The following BOD1L1 variants were observed in gnomAD, a reference collection of about 807,000 sequenced individuals.
BOD1L1 encodes biorientation of chromosomes in cell division 1 like 1.
BOD1L1 carries 86 observed loss-of-function variants against 240.7 expected under a neutral mutation model. The ratio of observed to expected loss-of-function variants is 0.36; its 90% confidence interval spans 0.30 to 0.43. The LOEUF is 0.43. BOD1L1 is among the 20% of genes least tolerant of loss of function. BOD1L1 has a pLI of 1.00. For synonymous variants in BOD1L1, 1,268 were observed against 1,272.3 expected (o/e 1.00, Z 0.07); for missense variants, 3,554 against 3,643.5 (o/e 0.98, Z 0.63).
In BOD1L1 at chr4:13,569,731, G is replaced by C; in HGVS notation, c.*280C>G. 4.3e-6 allele frequency: 1 copy of C among 230,282 alleles called. No homozygotes were observed. 14.3% of individuals were successfully genotyped at this position (230,282 alleles called of 1,614,324 possible). A position where few individuals can be genotyped will look rare whatever the true frequency, so the allele number is the denominator to read the frequency against. On this transcript the variant is annotated 3_prime_UTR_variant, in exon 26 of 26. Transcript: ENST00000040738. ...TTTGCATTCATGATGTGTCACATTGGGAAATCCCAATTTTGAATGTTAAAA... is the reference window on the plus strand; with the variant it reads ...TTTGCATTCATGATGTGTCACATTGCGAAATCCCAATTTTGAATGTTAAAA...
rs1711996284 is a variant in BOD1L1, at chr4:13,569,189, A to ACCAATTCATTC, written c.*821_*822insGAATGAATTGG. On this transcript the variant is annotated 3_prime_UTR_variant, in exon 26 of 26. Transcript: ENST00000040738. ...GTATTGGTAGAAGCTTCAGAACAGC[A>ACCAATTCATTC]CAGAAGAGGAATGAACACAGAGAAG... 5 of 152,348 alleles carry ACCAATTCATTC rather than the reference A, an allele frequency of 3.3e-5. No individual in the cohort carries two copies. The highest frequency in any genetic ancestry group is 9.6e-5 in the African/African-American group (4 of 41,582). 9.4% of individuals were successfully genotyped at this position (152,348 alleles called of 1,614,324 possible). A position where few individuals can be genotyped will look rare whatever the true frequency, so the allele number is the denominator to read the frequency against.
rs1716360310 is a variant in BOD1L1 at position 13,613,723 on chromosome 4, C to A, written c.1175-62G>T. ...TCTTATTATAAGAACATACTCAGAGCTCAATTACTAAATTACACTTAAAAT... is the reference window on the plus strand; with the variant it reads ...TCTTATTATAAGAACATACTCAGAGATCAATTACTAAATTACACTTAAAAT... On this transcript the variant is annotated intron_variant, in intron 4 of 25. Transcript: ENST00000040738. The surrounding 1 kb of genome is among the most constrained non-coding windows in gnomAD (Gnocchi z 4.0). 2 of 1,290,354 alleles carry A rather than the reference C, an allele frequency of 1.5e-6. No individual in the cohort carries two copies. Among genetic ancestry groups the A allele is most frequent in the Admixed American group, 2.9e-5 (1 of 34,804 alleles). 79.9% of individuals were successfully genotyped at this position (1,290,354 alleles called of 1,614,324 possible). A position where few individuals can be genotyped will look rare whatever the true frequency, so the allele number is the denominator to read the frequency against.
At position 13,602,123 on chromosome 4, in the gene BOD1L1, C is replaced by T; in HGVS notation, c.4777G>A (p.Gly1593Arg). 1.9e-6 allele frequency: 3 copies of T among 1,614,004 alleles called. No individual in the cohort carries two copies. The South Asian group carries it at 3.3e-5, about 18-fold the overall frequency. ...GCAAATCCCTCTGTGACAACAGCCCCACCTTCTTCAGCTGCAGCAAAAACA... is the reference window on the plus strand; with the variant it reads ...GCAAATCCCTCTGTGACAACAGCCCTACCTTCTTCAGCTGCAGCAAAAACA... ...CTVFAAAEEGGAVVTEGFAES... is the reference protein window; with the variant it reads ...CTVFAAAEEGRAVVTEGFAES... The change falls in exon 10 of 26, where the codon GGG becomes AGG. Residue 1593 changes from glycine (G) to arginine (R), a missense_variant. Physicochemically the swap from Gly to Arg is moderately radical, Grantham distance 125. This residue lies in a region of BOD1L1 where 3,393 missense variants were observed against 3,427.1 expected (regional missense o/e 0.99). Transcript: ENST00000040738.
In BOD1L1 at chr4:13,599,128, C is replaced by G. The variant is rs1366564897; in HGVS notation, c.7772G>C (p.Ser2591Thr). 1.2e-6 allele frequency: 2 copies of G among 1,613,826 alleles called. No homozygotes were observed. Residue 2591 changes from serine (S) to threonine (T), a missense_variant, in exon 10 of 26, where the codon AGT (serine) becomes ACT (threonine). Physicochemically the swap from Ser to Thr is moderately conservative, Grantham distance 58. Around this residue, in one of 2 missense-constraint regions of BOD1L1, gnomAD observed 3,393 missense variants for 3,427.1 expected, o/e 0.99. Transcript: ENST00000040738. ...SHTMIPPATYSVALLAPKCEQ... is the reference protein window; with the variant it reads ...SHTMIPPATYTVALLAPKCEQ... ...ACATTTAGGAGCCAACAGAGCTACA[C>G]TGTAAGTAGCTGGAGGGATCATTGT...
chr4:13,619,700 TTTCC>T (rs1716900181), intron 2 of BOD1L1, among the ~76,000 whole-genome samples: 1 of 152,204 alleles, frequency 6.6e-6, no homozygotes, highest in African/African-American at 2.4e-5. Flanking sequence ...CATACTGTTA[TTTCC>T]TTCCTTCAAA....
Position 13,602,347 on chromosome 4 carries a change from G to A in BOD1L1, c.4553C>T (p.Ala1518Val), listed in dbSNP as rs1439734427. 1 of 1,613,946 alleles carries A rather than the reference G, an allele frequency of 6.2e-7. No individual in the cohort carries two copies. Among genetic ancestry groups the A allele is most frequent in the African/African-American group, 1.3e-5 (1 of 75,028 alleles). ...TTTGTCCTTCCCTTCAGTACTAGTG[G>A]CAACAGAAGTCTTTTCTGCTCTCCT... ...GPRRAEKTSV[A>V]TSTEGKDKDV... Residue 1518 changes from alanine to valine, a missense_variant, in exon 10 of 26, where the codon GCC becomes GTC. Around this residue, in one of 2 missense-constraint regions of BOD1L1, gnomAD observed 3,393 missense variants for 3,427.1 expected, o/e 0.99. Transcript: ENST00000040738.
At chr4:13,596,438 C>T (rs1267767770) in intron 11 of BOD1L1, among the ~76,000 whole-genome samples, 5 of 152,122 alleles carry the variant, frequency 3.3e-5, no homozygotes, top group South Asian at 2.1e-4. Context: ...CTGCCTATTG[C>T]TACTATTGGG....
In BOD1L1 at chr4:13,619,993, C is replaced by G. The variant is rs149080935; in HGVS notation, c.318G>C (p.Pro106=). ...ANHLATHTWS[P]HLNKNQLRNN... ...TTCTTAGCTGGTTCTTATTGAGATG[C>G]GGACTCCATGTGTGAGTTGCCAAGT... The change falls in exon 2 of 26, where the codon CCG becomes CCC. Residue 106 remains proline (P), a synonymous_variant. Transcript: ENST00000040738. 1.1e-5 allele frequency: 18 copies of G among 1,611,860 alleles called. 1 individual carries two copies. In the East Asian group the frequency reaches 2.9e-4, roughly 26 times the overall value.
Position 13,604,422 on chromosome 4 carries a change from T to A in BOD1L1, c.2478A>T (p.Lys826Asn). ...TTTCAGCTGACAAGCGTCTCTCTTT[T>A]TTGTTGTTTTCTTTACGAACATTCT... ...TDENVRKENNKKERRLSAEKT... is the reference protein window; with the variant it reads ...TDENVRKENNNKERRLSAEKT... The change falls in exon 10 of 26, where the codon AAA becomes AAT. Residue 826 changes from lysine (K) to asparagine (N), a missense_variant. Physicochemically the swap from Lys to Asn is moderately conservative, Grantham distance 94 (BLOSUM62 0). Around this residue, in one of 2 missense-constraint regions of BOD1L1, gnomAD observed 3,393 missense variants for 3,427.1 expected, o/e 0.99. Transcript: ENST00000040738. 2 of 1,572,662 alleles carry A rather than the reference T, an allele frequency of 1.3e-6. No homozygotes were observed. The highest frequency in any genetic ancestry group is 1.7e-6 in the Non-Finnish European group (2 of 1,169,120).
At chr4:13,584,553 T>C (rs115439848) in intron 17 of BOD1L1, among the ~76,000 whole-genome samples, 368 of 151,838 alleles carry the variant, frequency 2.4e-3, no homozygotes, top group Non-Finnish European at 4.2e-3. Flanking sequence ...ACATCTACAC[T>C]TTTATCTGTT....
At chr4:13,609,469 AT>A (rs926584687) in intron 6 of BOD1L1, 63 bp from the exon 7 acceptor site, 23 of 1,126,650 alleles carry the variant, frequency 2.0e-5, no homozygotes, top group South Asian at 4.0e-5. Flanking sequence ...GAAAAATTGT[AT>A]TTTTTTTAAA....
chr4:13,604,177 A>G lies in BOD1L1; in HGVS notation c.2723T>C (p.Leu908Pro). The G allele has an allele frequency of 6.2e-7, 1 of 1,612,974 alleles. No homozygotes were observed. The highest frequency in any genetic ancestry group is 8.5e-7 in the Non-Finnish European group (1 of 1,179,706). ...AGTTTTTGATTTAGACTTCAACACA[A>G]GTTTCTCTTCTAACAAGCTCTTTGT... ...RRTKSLLEEKLVLKSKSKTQG... is the reference protein window; with the variant it reads ...RRTKSLLEEKPVLKSKSKTQG... Residue 908 changes from leucine to proline, a missense_variant, in exon 10 of 26, where the codon CTT becomes CCT. Around this residue, in one of 2 missense-constraint regions of BOD1L1, gnomAD observed 3,393 missense variants for 3,427.1 expected, o/e 0.99. Transcript: ENST00000040738.
chr4:13,627,526 G>A lies in BOD1L1; in HGVS notation c.62C>T (p.Pro21Leu), dbSNP rs1175961128. The A allele has an allele frequency of 9.1e-7, 1 of 1,093,154 alleles. No individual in the cohort carries two copies. Among genetic ancestry groups the A allele is most frequent in the Non-Finnish European group, 1.1e-6 (1 of 899,286 alleles). 67.7% of individuals were successfully genotyped at this position (1,093,154 alleles called of 1,614,324 possible). Residue 21 changes from proline to leucine, a missense_variant, in exon 1 of 26, where the codon CCG becomes CTG. This residue lies in a region of BOD1L1 where 161 missense variants were observed against 216.4 expected (regional missense o/e 0.74). Transcript: ENST00000040738. ...CGGCGGCGGCGGTGGCTGCGGCTGC[G>A]GCTGCGGCGGGGGAGGCGGCGGCGC... The part of the protein sequence containing the change: ...PPAPPPPPPQ[P>L]QPQPPPPPPG...
Position 13,601,896 on chromosome 4 carries a change from A to C in BOD1L1, c.5004T>G (p.Ser1668Arg). 1.2e-6 allele frequency: 2 copies of C among 1,613,880 alleles called. No homozygotes were observed. The highest frequency in any genetic ancestry group is 8.5e-7 in the Non-Finnish European group (1 of 1,179,848). ...GSEEKCDGSL[S>R]RDSEIVEGTI... is the part of the protein sequence containing the mutation. ...TTCCTTCAACTATTTCTGAGTCTCT[A>C]CTTAAAGAACCATCACATTTTTCTT... Residue 1668 changes from serine to arginine, a missense_variant, in exon 10 of 26, where the codon AGT becomes AGG. Physicochemically the swap from Ser to Arg is moderately radical, Grantham distance 110 (BLOSUM62 -1). This residue lies in a region of BOD1L1 where 3,393 missense variants were observed against 3,427.1 expected (regional missense o/e 0.99). Coordinates refer to ENST00000040738, the MANE Select transcript of BOD1L1 (RefSeq NM_148894.3).
At chr4:13,589,540 C>T (rs757492517) in intron 14 of BOD1L1, among the ~76,000 whole-genome samples, 5 of 152,044 alleles carry the variant, frequency 3.3e-5, no homozygotes, top group East Asian at 1.9e-4. Flanking sequence ...GTTTATGTAA[C>T]GTGAGACCAC....
At position 13,586,469 on chromosome 4, in the gene BOD1L1, T is replaced by G. The variant is rs533887203; in HGVS notation, c.8360A>C (p.Asn2787Thr). Residue 2787 changes from asparagine to threonine, a missense_variant, in exon 17 of 26, where the codon AAT (asparagine) becomes ACT (threonine). Physicochemically the swap from Asn to Thr is moderately conservative, Grantham distance 65. This residue lies in a region of BOD1L1 where 3,393 missense variants were observed against 3,427.1 expected (regional missense o/e 0.99). Transcript: ENST00000040738. ...TATTCTGGAATCCAGGACATCTGGA[T>G]TATCATCTGTAAATCAGTTTAGACA... ...YLSSEDEPDD[N>T]PDVLDSRIET... The G allele has an allele frequency of 6.2e-7, 1 of 1,605,372 alleles. No homozygotes were observed. The highest frequency in any genetic ancestry group is 2.2e-5 in the East Asian group (1 of 44,772).
In BOD1L1 at chr4:13,604,342, T is replaced by A. The variant is rs572760073; in HGVS notation, c.2558A>T (p.Asp853Val). The change falls in exon 10 of 26, where the codon GAT becomes GTT. Residue 853 changes from aspartate (D) to valine (V), a missense_variant. Physicochemically the swap from Asp to Val is radical, Grantham distance 152. This residue lies in a region of BOD1L1 where 3,393 missense variants were observed against 3,427.1 expected (regional missense o/e 0.99). Coordinates refer to ENST00000040738, the MANE Select transcript of BOD1L1 (RefSeq NM_148894.3). ...RRSSDSKIQK[D>V]SLGSKQHGIT... ...ACCATGTTGCTTGGAACCCAGAGAA[T>A]CTTTCTGAATTTTAGAATCACTTGA... 10 of 1,581,470 alleles carry A rather than the reference T, an allele frequency of 6.3e-6. No homozygotes were observed. The African/African-American group carries it at 1.1e-4, about 17-fold the overall frequency.
At chr4:13,577,113 C>A in intron 24 of BOD1L1, 122 bp from the exon 25 acceptor site, 1 of 1,232,068 alleles carries the variant, frequency 8.1e-7, no homozygotes, top group Non-Finnish European at 1.1e-6. Flanking sequence ...TGGTTTTCCA[C>A]TTCCTTTTTG....
intron 3 of BOD1L1, 124 bp from the exon 4 acceptor site, chr4:13,614,934 CT>C: frequency 9.5e-7 from 1 of 1,050,434 alleles, no homozygotes; most frequent in Non-Finnish European, 1.3e-6. Context: ...TCTGTATATT[CT>C]TTTAGACTTT....
Sources: gnomAD v4.1 joint callset for allele counts (sites outside exome capture counted in the v4.1 genomes callset) on GRCh38, gnomAD v4.1.1 for gene constraint, gnomAD v4.1.1 regional missense constraint, Gnocchi (gnomAD v3.1) non-coding constraint, MANE v1.5 for transcripts, NCBI Gene and HGNC (gene_info 2026-07-23, HGNC 2026-07-21) for gene names.